Variants in CCDC68 observed in about 807,000 individuals in gnomAD.
CCDC68 encodes coiled-coil domain-containing protein 68.
A neutral mutation model predicts 47.1 loss-of-function variants in CCDC68; 45 were observed. That is an observed-to-expected ratio of 0.96 (90% CI 0.75 to 1.23). CCDC68 has a LOEUF of 1.23. Ranked by LOEUF, CCDC68 falls within the 50% of genes most tolerant of loss-of-function variation. CCDC68 has a pLI of 0.00. For synonymous variants in CCDC68, 131 were observed against 129.5 expected, an observed-to-expected ratio of 1.01 and a Z score of -0.08; for missense variants, 353 against 373.6, an observed-to-expected ratio of 0.94 and a Z score of 0.45.
chr18:54,924,816 G>A (rs541173782), intron 8 of CCDC68, among the ~76,000 whole-genome samples: 5 of 152,210 alleles, frequency 3.3e-5, no homozygotes, highest in African/African-American at 7.2e-5. Context: ...CACAATACTC[G>A]ACAATCTATC....
At chr18:54,947,038 A>G (rs2044540063) in intron 1 of CCDC68, among the ~76,000 whole-genome samples, 1 of 152,220 alleles carries the variant, frequency 6.6e-6, no homozygotes, top group African/African-American at 2.4e-5. Flanking sequence ...TTTTGTACCC[A>G]GAGTCCTTGG....
intron 8 of CCDC68, among the ~76,000 whole-genome samples, chr18:54,926,224 A>T (rs909845929): frequency 6.6e-6 from 1 of 152,190 alleles, no homozygotes; most frequent in Non-Finnish European, 1.5e-5. Context: ...GAGACTGGGT[A>T]ATTTATAAAG....
intron 1 of CCDC68, among the ~76,000 whole-genome samples, chr18:54,951,682 G>T (rs142302598): frequency 6.6e-6 from 1 of 152,288 alleles, no homozygotes; most frequent in Non-Finnish European, 1.5e-5. Context: ...TCCAAAGTAG[G>T]TCACCAAGTA....
At chr18:54,926,061 T>G (rs1369037279) in intron 8 of CCDC68, among the ~76,000 whole-genome samples, 2 of 152,210 alleles carry the variant, frequency 1.3e-5, no homozygotes, top group Non-Finnish European at 2.9e-5. Flanking sequence ...GGCAACCATA[T>G]GCTTTGACAT....
chr18:54,909,000 G>A (rs868040392), intron 10 of CCDC68, among the ~76,000 whole-genome samples: 3 of 152,096 alleles, frequency 2.0e-5, no homozygotes, highest in Non-Finnish European at 4.4e-5. Context: ...GTGAGCAACC[G>A]CACTCAGCCT....
At chr18:54,923,081 CAAGGAAAGT>C (rs1412538155) in intron 8 of CCDC68, among the ~76,000 whole-genome samples, 1 of 149,450 alleles carries the variant, frequency 6.7e-6, no homozygotes, top group Non-Finnish European at 1.5e-5. Context: ...ATTGCTCCAG[CAAGGAAAGT>C]AAAAGAAGAA....
At position 54,904,084 on chromosome 18, in the gene CCDC68, A is replaced by AT. The variant is rs11298512; in HGVS notation, c.*273dup. 75 of 233,154 alleles carry AT rather than the reference A, an allele frequency of 3.2e-4. No homozygotes were observed. Among genetic ancestry groups the AT allele is most frequent in the Middle Eastern group, 1.5e-3 (1 of 674 alleles). 14.4% of individuals were successfully genotyped at this position (233,154 alleles called of 1,614,324 possible). On this transcript the variant is annotated 3_prime_UTR_variant, in exon 12 of 12. Coordinates refer to ENST00000591504, the MANE Select transcript of CCDC68 (RefSeq NM_025214.3). ...AAAAAAATCTGAAAACAAGATTCAG[A>AT]TTTTTTTTTTTTTTTAATTTAAAGC...
intron 7 of CCDC68, among the ~76,000 whole-genome samples, chr18:54,932,990 A>C (rs1049799450): frequency 6.6e-6 from 1 of 152,232 alleles, no homozygotes; most frequent in African/African-American, 2.4e-5. Context: ...TTTGTTTAGT[A>C]AACAGTCAAG....
At chr18:54,953,351 C>G (rs2044650653) in intron 1 of CCDC68, among the ~76,000 whole-genome samples, 1 of 152,054 alleles carries the variant, frequency 6.6e-6, no homozygotes, top group South Asian at 2.1e-4. Flanking sequence ...AAATAGTAAC[C>G]TGGCAGGATC....
intron 7 of CCDC68, among the ~76,000 whole-genome samples, chr18:54,932,467 A>T (rs745412465): frequency 6.6e-6 from 1 of 152,146 alleles, no homozygotes; most frequent in African/African-American, 2.4e-5. Flanking sequence ...CTGGAATTAC[A>T]GGCGTGAGCC....
At chr18:54,954,726 G>A (rs2044682895) in intron 1 of CCDC68, 2 of 152,000 alleles carry the variant, frequency 1.3e-5, no homozygotes, top group Admixed American at 6.6e-5. Context: ...CTATAAAATC[G>A]TGAGTATAAG....
At chr18:54,914,289 T>C (rs1384610542) in intron 10 of CCDC68, among the ~76,000 whole-genome samples, 1 of 152,176 alleles carries the variant, frequency 6.6e-6, no homozygotes, top group Non-Finnish European at 1.5e-5. Flanking sequence ...GATACTGTTA[T>C]TATTTGAAGC....
At chr18:54,941,650 C>T (rs1428103433) in intron 3 of CCDC68, among the ~76,000 whole-genome samples, 1 of 152,004 alleles carries the variant, frequency 6.6e-6, no homozygotes. Flanking sequence ...ATAAACTATG[C>T]CAGAATTTGT....
chr18:54,957,627 A>ACT (rs60851819), intron 1 of CCDC68, among the ~76,000 whole-genome samples: 20,616 of 143,664 alleles, frequency 0.14, 1,532 homozygotes, highest in East Asian at 0.25. Context: ...ACACACACAC[A>ACT]CTCTCTCTCT....
chr18:54,935,462 G>T (rs1034297416), intron 6 of CCDC68, among the ~76,000 whole-genome samples: 1 of 152,144 alleles, frequency 6.6e-6, no homozygotes, highest in Admixed American at 6.5e-5. Flanking sequence ...GGACTGTGTC[G>T]ACTAACTTGT....
At chr18:54,935,800 TGACA>T (rs1455453250) in intron 6 of CCDC68, among the ~76,000 whole-genome samples, 1 of 152,210 alleles carries the variant, frequency 6.6e-6, no homozygotes. Context: ...GAGCCTGAGC[TGACA>T]GACACCTGGG....
intron 6 of CCDC68, among the ~76,000 whole-genome samples, chr18:54,935,485 T>G (rs1445219828): frequency 6.6e-6 from 1 of 152,166 alleles, no homozygotes; most frequent in Middle Eastern, 3.2e-3. Context: ...CTCTTCTGTG[T>G]GTGTATTTAA....
chr18:54,948,467 G>T (rs916664633), intron 1 of CCDC68, among the ~76,000 whole-genome samples: 10 of 152,140 alleles, frequency 6.6e-5, no homozygotes, highest in Non-Finnish European at 1.3e-4. Context: ...CTAGGCTCTA[G>T]AACTGAGAGA....
At chr18:54,939,947 T>C (rs2044408775) in intron 4 of CCDC68, among the ~76,000 whole-genome samples, 1 of 152,044 alleles carries the variant, frequency 6.6e-6, no homozygotes, top group South Asian at 2.1e-4. Context: ...CAGGAGCTTG[T>C]TAGAAATGCA....
Sources: allele counts gnomAD v4.1 joint callset (sites outside exome capture counted in the v4.1 genomes callset), GRCh38; gene constraint gnomAD v4.1.1; transcripts MANE v1.5; gene names NCBI Gene and HGNC (gene_info 2026-07-23, HGNC 2026-07-21).